Variants in JMY observed in about 807,000 individuals in gnomAD.
The protein encoded by JMY is junction mediating and regulatory protein, p53 cofactor.
A neutral mutation model predicts 103.3 loss-of-function variants in JMY; 46 were observed. That is an observed-to-expected ratio of 0.45 (90% CI 0.35 to 0.57). The LOEUF (loss-of-function observed/expected upper bound fraction) is 0.57, where lower values mean the gene tolerates loss of function less well. Ranked by LOEUF, JMY falls within the 20% of genes least tolerant of loss-of-function variation. The pLI is 0.00. For synonymous variants in JMY, 526 were observed against 489.3 expected (o/e 1.07, Z -0.99); for missense variants, 1,238 against 1,255.2 (o/e 0.99, Z 0.21).
intron 1 of JMY, among the ~76,000 whole-genome samples, chr5:79,240,328 CCAAA>C (rs1481225963): frequency 1.3e-5 from 2 of 149,974 alleles, no homozygotes; most frequent in South Asian, 2.1e-4. Context: ...CCCGCCCCCT[CCAAA>C]CAGAGTTTTG....
chr5:79,305,510 C>A (rs1746855671), intron 6 of JMY, among the ~76,000 whole-genome samples: 1 of 151,942 alleles, frequency 6.6e-6, no homozygotes, highest in South Asian at 2.1e-4. Flanking sequence ...ACCCTTTTAT[C>A]TGGAAAACTT....
intron 10 of JMY, among the ~76,000 whole-genome samples, chr5:79,319,094 A>G (rs750394030): frequency 6.6e-6 from 1 of 152,124 alleles, no homozygotes; most frequent in African/African-American, 2.4e-5. Context: ...AAGTCAGCCT[A>G]TCCTTGTCTG....
intron 1 of JMY, among the ~76,000 whole-genome samples, chr5:79,257,338 C>A (rs185528898): frequency 6.6e-6 from 1 of 152,192 alleles, no homozygotes; most frequent in Non-Finnish European, 1.5e-5. Flanking sequence ...CATGGTGGCT[C>A]ATGTCTATAA....
At chr5:79,316,796 C>G (rs547882181) in intron 10 of JMY, among the ~76,000 whole-genome samples, 5 of 149,928 alleles carry the variant, frequency 3.3e-5, no homozygotes, top group East Asian at 2.0e-4. Context: ...ATCCCAGCTA[C>G]TCGAGAGGCT....
intron 1 of JMY, among the ~76,000 whole-genome samples, chr5:79,259,610 C>T (rs542966665): frequency 1.3e-5 from 2 of 152,374 alleles, no homozygotes; most frequent in South Asian, 4.1e-4. Flanking sequence ...CCCCCTTGGC[C>T]TCTCTTCTGT....
intron 4 of JMY, among the ~76,000 whole-genome samples, chr5:79,298,664 C>T (rs935314641): frequency 6.6e-6 from 1 of 152,176 alleles, no homozygotes; most frequent in East Asian, 1.9e-4. Flanking sequence ...ATTAAGTATC[C>T]GTTTATAAAA....
At chr5:79,304,171 G>C (rs915781834) in intron 6 of JMY, among the ~76,000 whole-genome samples, 2 of 152,162 alleles carry the variant, frequency 1.3e-5, no homozygotes, top group African/African-American at 4.8e-5. Flanking sequence ...TTGTGTGCCT[G>C]TACCCCAAGC....
chr5:79,275,726 A>G (rs776228850), intron 1 of JMY, among the ~76,000 whole-genome samples: 15 of 152,240 alleles, frequency 9.9e-5, no homozygotes, highest in African/African-American at 1.4e-4. Flanking sequence ...AGAGAAGTCA[A>G]AATTCTCCAT....
chr5:79,291,390 A>G, intron 4 of JMY, 91 bp downstream of exon 4: 1 of 1,129,094 alleles, frequency 8.9e-7, no homozygotes, highest in East Asian at 2.6e-5. Context: ...TTCGATAGGC[A>G]GTGATTTTAT....
intron 1 of JMY, among the ~76,000 whole-genome samples, chr5:79,248,260 C>A (rs1317120622): frequency 2.6e-5 from 4 of 151,880 alleles, no homozygotes; most frequent in Non-Finnish European, 5.9e-5. Flanking sequence ...GAACTCCTGG[C>A]CTTATTTCCA....
intron 1 of JMY, among the ~76,000 whole-genome samples, chr5:79,240,267 G>C (rs1226718985): frequency 6.6e-6 from 1 of 151,972 alleles, no homozygotes; most frequent in Non-Finnish European, 1.5e-5. Context: ...GCCTGCCTCA[G>C]CTTCCCAAAG....
intron 9 of JMY, among the ~76,000 whole-genome samples, chr5:79,315,188 A>G (rs1311763176): frequency 6.6e-6 from 1 of 152,196 alleles, no homozygotes; most frequent in Non-Finnish European, 1.5e-5. Flanking sequence ...AAAGGGTAAG[A>G]TATCTGGTAA....
chr5:79,237,443 G>T lies in JMY; in HGVS notation c.793G>T (p.Gly265Cys). The T allele has an allele frequency of 6.2e-7, 1 of 1,613,874 alleles. No homozygotes were observed. The highest frequency in any genetic ancestry group is 8.5e-7 in the Non-Finnish European group (1 of 1,180,012). The stretch of plus-strand genomic sequence containing the variant: ...GCCGGTGTTCCCCGAGGAACCTTCG[G>T]GCATGTGGACTGTGCTGTTTGGGGG... ...CLPVFPEEPS[G>C]MWTVLFGGAP... Residue 265 changes from glycine (G) to cysteine (C), a missense_variant, in exon 1 of 11, where the codon GGC becomes TGC. By Grantham distance (159) the Gly-to-Cys change is radical. Coordinates refer to ENST00000396137, the MANE Select transcript of JMY (RefSeq NM_152405.5).
chr5:79,314,861 C>T lies in JMY; in HGVS notation c.2659+10C>T, dbSNP rs1561316377. On this transcript the variant is annotated intron_variant, in intron 9 of 10. Transcript: ENST00000396137. ...TTGCAGAGGAGGAGAGGTACGTCAACATATTTTCATGGTCCATCTGTTGTA... is the reference window on the plus strand; with the variant it reads ...TTGCAGAGGAGGAGAGGTACGTCAATATATTTTCATGGTCCATCTGTTGTA... 9.1e-6 allele frequency: 14 copies of T among 1,536,848 alleles called. No homozygotes were observed. The East Asian group carries it at 3.2e-4, about 35-fold the overall frequency.
At chr5:79,278,728 G>T (rs1260580956) in intron 2 of JMY, among the ~76,000 whole-genome samples, 1 of 151,030 alleles carries the variant, frequency 6.6e-6, no homozygotes, top group Admixed American at 6.6e-5. Context: ...CCATGATTGT[G>T]CCACTGCACT....
Position 79,317,616 on chromosome 5 carries a change from A to G in JMY, c.*3+1306A>G, listed in dbSNP as rs190836748. On this transcript the variant is annotated intron_variant, in intron 10 of 10. Coordinates refer to ENST00000396137, the MANE Select transcript of JMY (RefSeq NM_152405.5). ...TCTCTAGGCTTCAAACATTCACCAA[A>G]GTAGGGAAGACTTGAGTCCTAGAAG... Among the ~76,000 whole-genome samples the G allele has an allele frequency of 7.0e-3, 1,063 of 152,226 alleles. 4 individuals carry two copies. Among genetic ancestry groups the G allele is most frequent in the Non-Finnish European group, 0.012 (821 of 68,030 alleles).
At chr5:79,315,428 A>T (rs559132338) in intron 9 of JMY, among the ~76,000 whole-genome samples, 1 of 152,192 alleles carries the variant, frequency 6.6e-6, no homozygotes, top group African/African-American at 2.4e-5. Context: ...GCAGAGAATA[A>T]CCCTTGCCTT....
chr5:79,279,838 T>TTTTTG (rs555739928), intron 2 of JMY, among the ~76,000 whole-genome samples: 8 of 152,194 alleles, frequency 5.3e-5, no homozygotes, highest in South Asian at 2.1e-4. Context: ...TTCCTGGTTT[T>TTTTTG]TTTTGTTTTG....
chr5:79,238,337 G>T (rs1166960123), intron 1 of JMY, among the ~76,000 whole-genome samples: 1 of 151,900 alleles, frequency 6.6e-6, no homozygotes, highest in African/African-American at 2.4e-5. Flanking sequence ...GGGCAGGAAT[G>T]TTCGTTGTAT....
Sources: gnomAD v4.1 joint callset for allele counts (sites outside exome capture counted in the v4.1 genomes callset) on GRCh38, gnomAD v4.1.1 for gene constraint, MANE v1.5 for transcripts, NCBI Gene and HGNC (gene_info 2026-07-23, HGNC 2026-07-21) for gene names.